The following PPP3CA variants were observed in gnomAD, a reference collection of about 807,000 sequenced individuals.
PPP3CA encodes the protein CAM-PRP catalytic subunit.
Under a neutral mutation model 66.5 loss-of-function variants are expected in PPP3CA, and 14 were observed. The ratio of observed to expected loss-of-function variants is 0.21; its 90% CI spans 0.14 to 0.33. The LOEUF is 0.33. Among genes scored for constraint, PPP3CA ranks in the 10% least tolerant of loss-of-function variants. The pLI is 1.00. For missense variants in PPP3CA, 317 were observed against 639.5 expected, an observed-to-expected ratio of 0.50 and a Z score of 5.44; for synonymous variants, 232 against 226.2, an observed-to-expected ratio of 1.03 and a Z score of -0.23.
intron 2 of PPP3CA, among the ~76,000 whole-genome samples, chr4:101,141,730 G>A (rs913722605): frequency 1.3e-5 from 2 of 151,902 alleles, no homozygotes; most frequent in Non-Finnish European, 2.9e-5. Flanking sequence ...CACTTATTTT[G>A]TATTCTTTAA....
At chr4:101,232,535 T>G (rs1041161992) in intron 1 of PPP3CA, among the ~76,000 whole-genome samples, 3 of 151,782 alleles carry the variant, frequency 2.0e-5, no homozygotes, top group African/African-American at 7.2e-5. Flanking sequence ...TTGGAAGGCC[T>G]TGAACCTGAC....
intron 2 of PPP3CA, among the ~76,000 whole-genome samples, chr4:101,159,174 C>T (rs1723420594): frequency 6.6e-6 from 1 of 152,188 alleles, no homozygotes; most frequent in African/African-American, 2.4e-5. Flanking sequence ...TGAACCAATC[C>T]TGGCAGTCTG....
At chr4:101,204,429 G>T (rs1474574044) in intron 1 of PPP3CA, among the ~76,000 whole-genome samples, 3 of 152,120 alleles carry the variant, frequency 2.0e-5, no homozygotes, top group Non-Finnish European at 4.4e-5. Flanking sequence ...GAGGTCAGGA[G>T]ATCAAGACCA....
chr4:101,125,715 G>C (rs1157455698), intron 2 of PPP3CA, among the ~76,000 whole-genome samples: 1 of 152,138 alleles, frequency 6.6e-6, no homozygotes, highest in Non-Finnish European at 1.5e-5. Context: ...GCCTTGGCTA[G>C]AGGTCAGGTT....
chr4:101,267,692 T>A (rs1290388748), intron 1 of PPP3CA, among the ~76,000 whole-genome samples: 2 of 151,828 alleles, frequency 1.3e-5, no homozygotes, highest in Admixed American at 6.6e-5. Flanking sequence ...ATACGCTATC[T>A]CTGGAAAATG....
intron 2 of PPP3CA, among the ~76,000 whole-genome samples, chr4:101,126,116 C>T (rs1302045837): frequency 6.6e-6 from 1 of 152,162 alleles, no homozygotes; most frequent in Non-Finnish European, 1.5e-5. Context: ...TAAATTAACA[C>T]ATGTAATGAA....
At chr4:101,135,621 G>A (rs1350098620) in intron 2 of PPP3CA, among the ~76,000 whole-genome samples, 1 of 152,136 alleles carries the variant, frequency 6.6e-6, no homozygotes, top group Non-Finnish European at 1.5e-5. Context: ...CCAGAGGGCA[G>A]AATAAAAGCA....
intron 8 of PPP3CA, among the ~76,000 whole-genome samples, chr4:101,078,107 A>T (rs1729271530): frequency 6.6e-6 from 1 of 152,090 alleles, no homozygotes; most frequent in Admixed American, 6.6e-5. Flanking sequence ...ACTTTTAGGG[A>T]CATTTCCTTC....
At chr4:101,141,753 C>A (rs1310088365) in intron 2 of PPP3CA, among the ~76,000 whole-genome samples, 1 of 152,128 alleles carries the variant, frequency 6.6e-6, no homozygotes, top group Non-Finnish European at 1.5e-5. Flanking sequence ...TTACCAGTTT[C>A]TTTGTCTCTC....
chr4:101,157,866 C>CAA (rs770632810), intron 2 of PPP3CA, among the ~76,000 whole-genome samples: 648 of 48,114 alleles, frequency 0.013, 12 homozygotes, highest in African/African-American at 0.032. Flanking sequence ...CCTTAGGAGG[C>CAA]AAAAAAAAAA....
intron 2 of PPP3CA, among the ~76,000 whole-genome samples, chr4:101,117,921 G>A (rs148262138): frequency 1.1e-4 from 16 of 151,906 alleles, no homozygotes; most frequent in Admixed American, 1.1e-3. Flanking sequence ...AATTTGATCA[G>A]TACATATAAA....
At chr4:101,222,925 C>T (rs1725671047) in intron 1 of PPP3CA, among the ~76,000 whole-genome samples, 2 of 151,780 alleles carry the variant, frequency 1.3e-5, no homozygotes, top group African/African-American at 2.4e-5. Flanking sequence ...GCCAATCATG[C>T]AGGTCAGTGG....
intron 2 of PPP3CA, among the ~76,000 whole-genome samples, chr4:101,121,960 C>T (rs1722046375): frequency 6.6e-6 from 1 of 152,058 alleles, no homozygotes; most frequent in African/African-American, 2.4e-5. Context: ...ATGTGAACTG[C>T]TAAAACAGTT....
intron 10 of PPP3CA, among the ~76,000 whole-genome samples, chr4:101,055,377 A>G (rs1158133175): frequency 6.6e-6 from 1 of 152,142 alleles, no homozygotes; most frequent in Middle Eastern, 3.2e-3. Context: ...GTTCCAGTGA[A>G]TAACAACCCT....
intron 2 of PPP3CA, among the ~76,000 whole-genome samples, chr4:101,170,263 T>C (rs941710692): frequency 8.7e-6 from 1 of 114,524 alleles, no homozygotes; most frequent in Non-Finnish European, 2.2e-5. Flanking sequence ...TAAAACTACA[T>C]AGAAAAGAAA....
intron 10 of PPP3CA, among the ~76,000 whole-genome samples, chr4:101,055,177 G>T (rs1728173618): frequency 6.6e-6 from 1 of 152,034 alleles, no homozygotes; most frequent in South Asian, 2.1e-4. Flanking sequence ...GGTTGCTAAT[G>T]CTTACTGTTT....
chr4:101,090,169 T>C (rs1729849848), intron 6 of PPP3CA, among the ~76,000 whole-genome samples: 1 of 152,142 alleles, frequency 6.6e-6, no homozygotes, highest in Admixed American at 6.5e-5. Flanking sequence ...AAGGTGGCAC[T>C]AAAGACAAAA....
chr4:101,308,385 T>G (rs1004720051), intron 1 of PPP3CA, among the ~76,000 whole-genome samples: 1 of 152,226 alleles, frequency 6.6e-6, no homozygotes, highest in African/African-American at 2.4e-5. Context: ...TACAATATAC[T>G]TGGTTACAGT....
intron 2 of PPP3CA, among the ~76,000 whole-genome samples, chr4:101,155,937 T>C (rs1391980524): frequency 1.1e-4 from 16 of 152,228 alleles, no homozygotes. Context: ...GCTCTTATCA[T>C]GTGCTGTGTA....
Sources: gnomAD v4.1 joint callset for allele counts (sites outside exome capture counted in the v4.1 genomes callset) on GRCh38, gnomAD v4.1.1 for gene constraint, MANE v1.5 for transcripts, NCBI Gene and HGNC (gene_info 2026-07-23, HGNC 2026-07-21) for gene names.